Variants in OTUD7A observed in about 807,000 individuals in gnomAD.
OTUD7A encodes the protein OTU deubiquitinase 7A.
In OTUD7A, 12 loss-of-function variants were observed where a neutral mutation model predicts 65.7. The ratio of observed to expected loss-of-function variants is 0.18; its 90% CI spans 0.12 to 0.30. OTUD7A has a LOEUF of 0.30. Ranked by LOEUF, OTUD7A falls within the 10% of genes least tolerant of loss-of-function variation. The probability of loss-of-function intolerance (pLI) is 1.00; values close to 1 mark genes in which losing one functional copy is unlikely to be tolerated. For missense variants in OTUD7A, 1,148 were observed against 1,304.8 expected, an observed-to-expected ratio of 0.88 and a Z score of 1.85; for synonymous variants, 641 against 586.3, an observed-to-expected ratio of 1.09 and a Z score of -1.35.
intron 1 of OTUD7A, among the ~76,000 whole-genome samples, chr15:31,794,292 A>C (rs999168081): frequency 1.4e-4 from 21 of 152,318 alleles, no homozygotes; most frequent in African/African-American, 4.8e-4. Context: ...CACCATTTTC[A>C]ATCACTATAG....
intron 1 of OTUD7A, among the ~76,000 whole-genome samples, chr15:31,746,864 G>C (rs1438975731): frequency 6.6e-6 from 1 of 152,206 alleles, no homozygotes; most frequent in Admixed American, 6.5e-5. Context: ...GTTGCTTTTG[G>C]AGGGTATTAA....
At chr15:31,768,439 G>A (rs767843198) in intron 1 of OTUD7A, among the ~76,000 whole-genome samples, 1 of 152,072 alleles carries the variant, frequency 6.6e-6, no homozygotes, top group Non-Finnish European at 1.5e-5. Context: ...CAGGTGGATC[G>A]CTTGAGCTCA....
At chr15:31,776,566 G>A (rs894803650) in intron 1 of OTUD7A, among the ~76,000 whole-genome samples, 1 of 152,170 alleles carries the variant, frequency 6.6e-6, no homozygotes, top group Non-Finnish European at 1.5e-5. Flanking sequence ...CAGGTATGTG[G>A]GGACAGGGGC....
intron 1 of OTUD7A, among the ~76,000 whole-genome samples, chr15:31,816,648 C>A (rs185194439): frequency 6.6e-6 from 1 of 151,582 alleles, no homozygotes; most frequent in Admixed American, 6.6e-5. Context: ...GAGCTGAGAT[C>A]GTGCACTCCA....
intron 1 of OTUD7A, among the ~76,000 whole-genome samples, chr15:31,861,614 G>A (rs758252363): frequency 2.0e-5 from 3 of 152,146 alleles, no homozygotes; most frequent in Non-Finnish European, 4.4e-5. Flanking sequence ...TTAAAACCAC[G>A]TGGACCCAAG....
chr15:31,779,051 T>C (rs1352841410), intron 1 of OTUD7A, among the ~76,000 whole-genome samples: 1 of 152,264 alleles, frequency 6.6e-6, no homozygotes, highest in Non-Finnish European at 1.5e-5. Flanking sequence ...GAATTTTTAA[T>C]ATATCTAAAT....
rs2041037891 is a variant in OTUD7A at position 31,477,279 on chromosome 15, A to G, written c.*6015T>C. ...TGCCACCCGTGTTGAACTGGGAAGG[A>G]CTGGGAGACACCTAAAGACTGATTA... On this transcript the variant is annotated 3_prime_UTR_variant, in exon 13 of 13. Coordinates refer to ENST00000307050, the MANE Select transcript of OTUD7A (RefSeq NM_001382637.1). 6.6e-6 allele frequency: 1 copy of G among 152,332 alleles called. No homozygotes were observed. The highest frequency in any genetic ancestry group is 2.4e-5 in the African/African-American group (1 of 41,438). The allele number at this position is 152,332 out of a possible 1,614,324, so 9.4% of individuals were successfully genotyped here.
chr15:31,578,434 C>A lies in OTUD7A; in HGVS notation c.152-8237G>T, dbSNP rs553489987. On this transcript the variant is annotated intron_variant, in intron 3 of 12. Transcript: ENST00000307050. ...TCTCAACAACCTCTTTATCACAAAC[C>A]AGACATTCCTTTCTATTAATAACTC... 2.6e-5 allele frequency among the ~76,000 whole-genome samples: 4 copies of A among 152,280 alleles called. No individual in the cohort carries two copies. The South Asian group carries it at 6.2e-4, about 24-fold the overall frequency.
intron 1 of OTUD7A, among the ~76,000 whole-genome samples, chr15:31,817,278 C>A (rs1303323187): frequency 1.4e-5 from 2 of 146,692 alleles, no homozygotes; most frequent in Admixed American, 1.4e-4. Flanking sequence ...ATCATTTGCC[C>A]CCCCCCATCA....
chr15:31,758,506 CCA>C (rs1021655956), intron 1 of OTUD7A, among the ~76,000 whole-genome samples: 1 of 152,212 alleles, frequency 6.6e-6, no homozygotes, highest in Admixed American at 6.5e-5. Context: ...TACAAGCATC[CCA>C]CATCAGTGCC....
At chr15:31,833,996 G>A (rs2140986321) in intron 1 of OTUD7A, among the ~76,000 whole-genome samples, 1 of 152,360 alleles carries the variant, frequency 6.6e-6, no homozygotes, top group South Asian at 2.1e-4. Context: ...GGAGGCCGTG[G>A]AGGGCCTTCA....
chr15:31,570,442 T>TACACACAC (rs57517466), intron 3 of OTUD7A, among the ~76,000 whole-genome samples: 136 of 143,324 alleles, frequency 9.5e-4, no homozygotes, highest in African/African-American at 1.7e-3. Flanking sequence ...TTTAGGTTCA[T>TACACACAC]ACACACACAC....
At chr15:31,838,464 A>G (rs1382518735) in intron 1 of OTUD7A, among the ~76,000 whole-genome samples, 1 of 151,846 alleles carries the variant, frequency 6.6e-6, no homozygotes, top group Non-Finnish European at 1.5e-5. Context: ...CAAACCCACA[A>G]AGACCAGGTC....
intron 1 of OTUD7A, among the ~76,000 whole-genome samples, chr15:31,786,911 G>A (rs73380515): frequency 1.4e-4 from 21 of 152,124 alleles, no homozygotes; most frequent in Non-Finnish European, 2.4e-4. Context: ...GAGGCCTGTC[G>A]TTCTACAAAA....
intron 3 of OTUD7A, among the ~76,000 whole-genome samples, chr15:31,594,603 A>G (rs1456063575): frequency 2.0e-5 from 3 of 152,208 alleles, no homozygotes; most frequent in African/African-American, 4.8e-5. Context: ...CAACCAGCCT[A>G]CACAAATGAC....
At chr15:31,795,204 GCA>G (rs1895921015) in intron 1 of OTUD7A, among the ~76,000 whole-genome samples, 1 of 152,188 alleles carries the variant, frequency 6.6e-6, no homozygotes, top group African/African-American at 2.4e-5. Context: ...CAGGTGAAAT[GCA>G]CAGACTTTTA....
chr15:31,727,192 C>T (rs1010628387), intron 1 of OTUD7A, among the ~76,000 whole-genome samples: 5 of 152,246 alleles, frequency 3.3e-5, no homozygotes, highest in African/African-American at 1.2e-4. Context: ...GTATCCCATA[C>T]TCCAAGTGGC....
chr15:31,509,817 CAT>C (rs1213132377), intron 8 of OTUD7A, among the ~76,000 whole-genome samples: 4 of 151,838 alleles, frequency 2.6e-5, no homozygotes, highest in Admixed American at 6.5e-5. Flanking sequence ...CAATTTTTAA[CAT>C]GTTTTAACGT....
In OTUD7A at chr15:31,498,248, T is replaced by C. The variant is rs1474948773; in HGVS notation, c.1171+3442A>G. Among the ~76,000 whole-genome samples, 1 of 152,214 alleles carries C rather than the reference T, an allele frequency of 6.6e-6. No homozygotes were observed. Among genetic ancestry groups the C allele is most frequent in the Non-Finnish European group, 1.5e-5 (1 of 68,028 alleles). ...CCCACATATGGGTGCCAGGATCTGA[T>C]TGCTTCATTGAGTTTTGCAGTATGG... is the stretch of plus-strand genomic sequence containing the variant. On this transcript the variant is annotated intron_variant, in intron 10 of 12. Transcript: ENST00000307050. The surrounding 1 kb of genome is among the most constrained non-coding windows in gnomAD (Gnocchi z 4.2).
Sources: allele counts gnomAD v4.1 joint callset (sites outside exome capture counted in the v4.1 genomes callset), GRCh38; gene constraint gnomAD v4.1.1; non-coding constraint Gnocchi (gnomAD v3.1); transcripts MANE v1.5; gene names NCBI Gene and HGNC (gene_info 2026-07-23, HGNC 2026-07-21).